The following ATRX variants were observed in gnomAD, a reference collection of about 807,000 sequenced individuals.
ATRX encodes ATRX chromatin remodeler, also known as chromatin remodeler ATRX.
In ATRX, 12 loss-of-function variants were observed where a neutral mutation model predicts 172.6. The observed-to-expected ratio is 0.07, with a 90% CI of 0.04 to 0.11. The LOEUF is 0.11. Ranked by LOEUF, ATRX falls within the 10% of genes least tolerant of loss-of-function variation. ATRX has a pLI of 1.00. For missense variants in ATRX, 1,368 were observed against 1,767.4 expected, an observed-to-expected ratio of 0.77 and a Z score of 4.05; for synonymous variants, 674 against 594.7, an observed-to-expected ratio of 1.13 and a Z score of -1.94.
chrX:77,781,239 G>A (rs1410219746), intron 1 of ATRX, among the ~76,000 whole-genome samples: 2 of 110,199 alleles, frequency 1.8e-5, no homozygotes, highest in Admixed American at 9.8e-5. Flanking sequence ...TCAGGAGATC[G>A]AGACCATCCT....
At chrX:77,693,705 T>C (rs1403960881) in intron 6 of ATRX, 119 bp downstream of exon 6, 5 of 545,178 alleles carry the variant, frequency 9.2e-6, no homozygotes, top group Non-Finnish European at 1.6e-5. Context: ...TATATTTAAG[T>C]AGTGCTTTTA....
At position 77,773,092 on chromosome X, in the gene ATRX, T is replaced by TAA. The variant is rs782649057; in HGVS notation, c.20+12888_20+12889dup. ...ATATTTCCCTGTGGCAAATTTCAGC[T>TAA]AAAAAAAAAAAAAAAAAAAAAAAAG... On this transcript the variant is annotated intron_variant, in intron 1 of 34. Transcript: ENST00000373344. Among the ~76,000 whole-genome samples, 287 of 37,337 alleles carry TAA rather than the reference T, an allele frequency of 7.7e-3. 19 individuals are homozygous for TAA. The highest frequency in any genetic ancestry group is 0.017 in the African/African-American group (135 of 8,107). 32.4% of individuals were successfully genotyped at this position (37,337 alleles called of 115,157 possible). A position where few individuals can be genotyped will look rare whatever the true frequency, so the allele number is the denominator to read the frequency against.
rs782369282 is a variant in ATRX at position 77,766,618 on chromosome X, C to T, written c.20+19364G>A. Among the ~76,000 whole-genome samples the T allele has an allele frequency of 1.0e-4, 10 of 98,693 alleles. No individual in the cohort carries two copies. The South Asian group carries it at 2.0e-3, about 20-fold the overall frequency. 85.7% of individuals were successfully genotyped at this position (98,693 alleles called of 115,157 possible). On this transcript the variant is annotated intron_variant, in intron 1 of 34. Transcript: ENST00000373344. ...GCAGAGGCGCTCCCCACATCTCAGA[C>T]GATGAGCGGCCGGGCAGAGACGCTC...
chrX:77,569,356 C>T (rs1399747875), intron 28 of ATRX, among the ~76,000 whole-genome samples: 2 of 111,025 alleles, frequency 1.8e-5, no homozygotes, highest in African/African-American at 6.5e-5. Context: ...CAAAACCTGA[C>T]ATAACTTAAA....
chrX:77,622,716 G>A (rs1368855527), intron 19 of ATRX, among the ~76,000 whole-genome samples: 1 of 111,318 alleles, frequency 9.0e-6, no homozygotes, highest in Non-Finnish European at 1.9e-5. Flanking sequence ...GCTTGGAGGT[G>A]GAAAGCCGGG....
chrX:77,734,890 C>T (rs1461857069), intron 1 of ATRX, among the ~76,000 whole-genome samples: 1 of 109,942 alleles, frequency 9.1e-6, no homozygotes, highest in African/African-American at 3.3e-5. Flanking sequence ...GCAGGTGGAT[C>T]ATTTGAGGTC....
intron 22 of ATRX, among the ~76,000 whole-genome samples, chrX:77,612,211 G>C (rs1444051186): frequency 9.0e-6 from 1 of 111,238 alleles, no homozygotes; most frequent in Non-Finnish European, 1.9e-5. Flanking sequence ...TAAAACTGTA[G>C]ATGCATCGGC....
intron 1 of ATRX, among the ~76,000 whole-genome samples, chrX:77,772,641 T>A (rs910580367): frequency 9.4e-6 from 1 of 106,703 alleles, no homozygotes; most frequent in South Asian, 4.2e-4. Context: ...CATGCCCAGC[T>A]AGTTTTTTTT....
chrX:77,761,674 T>C (rs1557192841), intron 1 of ATRX, among the ~76,000 whole-genome samples: 1 of 111,543 alleles, frequency 9.0e-6, no homozygotes, highest in Non-Finnish European at 1.9e-5. Context: ...ACACCTGAAA[T>C]CTACTCTTTT....
chrX:77,727,065 A>G (rs2074077886), intron 1 of ATRX, among the ~76,000 whole-genome samples: 1 of 111,997 alleles, frequency 8.9e-6, no homozygotes, highest in African/African-American at 3.2e-5. Flanking sequence ...TACATGGCCA[A>G]CAAACATGAA....
intron 1 of ATRX, among the ~76,000 whole-genome samples, chrX:77,766,982 C>A (rs1415017660): frequency 8.9e-6 from 1 of 112,492 alleles, no homozygotes; most frequent in Non-Finnish European, 1.9e-5. Flanking sequence ...CCTCGGGAGG[C>A]CGAGGCTGGC....
intron 10 of ATRX, among the ~76,000 whole-genome samples, chrX:77,671,750 A>G (rs906771026): frequency 3.6e-5 from 4 of 111,576 alleles, no homozygotes; most frequent in Non-Finnish European, 7.5e-5. Context: ...TAGAAATCCA[A>G]ACTCTTCCTT....
At chrX:77,732,213 T>C (rs782331529) in intron 1 of ATRX, among the ~76,000 whole-genome samples, 41 of 111,579 alleles carry the variant, frequency 3.7e-4, no homozygotes, top group African/African-American at 1.3e-3. Flanking sequence ...CCGTGGTCCC[T>C]GCACAGGGCT....
intron 12 of ATRX, among the ~76,000 whole-genome samples, chrX:77,659,840 T>C (rs1201768475): frequency 7.2e-5 from 8 of 111,775 alleles, no homozygotes; most frequent in Non-Finnish European, 1.3e-4. Flanking sequence ...TTCCCATCTC[T>C]CAATTCAAAT....
chrX:77,607,744 T>A (rs2066979578), intron 22 of ATRX, among the ~76,000 whole-genome samples: 1 of 98,739 alleles, frequency 1.0e-5, no homozygotes, highest in East Asian at 3.3e-4. Flanking sequence ...GTAAAAGAAC[T>A]CTACAATGAA....
intron 1 of ATRX, among the ~76,000 whole-genome samples, chrX:77,764,268 T>C (rs1201413439): frequency 8.9e-6 from 1 of 112,201 alleles, no homozygotes; most frequent in African/African-American, 3.2e-5. Context: ...AACATACTGA[T>C]CCTTGTTTTT....
chrX:77,599,450 T>C lies in ATRX; in HGVS notation c.5917A>G (p.Thr1973Ala). ...RGGGEGNVDE[T>A]GNNPSVSLKL... The stretch of plus-strand genomic sequence containing the variant: ...AAAGAAACAGAAGGATTGTTTCCTG[T>C]TTCATCCACATTTCCTTCACCACCT... The change falls in exon 25 of 35, where the codon ACA (threonine) becomes GCA (alanine). Residue 1973 changes from threonine (T) to alanine (A), a missense_variant. Thr to Ala is a moderately conservative substitution (Grantham distance 58). Coordinates refer to ENST00000373344, the MANE Select transcript of ATRX (RefSeq NM_000489.6). 8.3e-7 allele frequency: 1 copy of C among 1,210,990 alleles called. No individual in the cohort carries two copies. The highest frequency in any genetic ancestry group is 1.1e-6 in the Non-Finnish European group (1 of 895,145).
rs977361561 is a variant in ATRX, at chrX:77,684,940, T to G, written c.661A>C (p.Arg221=). ...TGTTAGCTCATCTATATTACCTACCTACATTGTTCATCCATTCCATCTGAG... is the reference window on the plus strand; with the variant it reads ...TGTTAGCTCATCTATATTACCTACCGACATTGTTCATCCATTCCATCTGAG... ...RDSDGMDEQC[R]WCAEGGNLIC... is the part of the protein sequence containing the mutation. Residue 221 remains arginine (R), a splice_region_variant and synonymous_variant, in exon 8 of 35, where the codon AGG becomes CGG. Coordinates refer to ENST00000373344, the MANE Select transcript of ATRX (RefSeq NM_000489.6). 6 of 1,195,764 alleles carry G rather than the reference T, an allele frequency of 5.0e-6. No individual in the cohort carries two copies. Among genetic ancestry groups the G allele is most frequent in the Non-Finnish European group, 6.8e-6 (6 of 882,075 alleles).
chrX:77,589,524 G>C (rs1161777464), intron 27 of ATRX, among the ~76,000 whole-genome samples: 1 of 111,578 alleles, frequency 9.0e-6, no homozygotes, highest in Non-Finnish European at 1.9e-5. Context: ...GTTGATATTA[G>C]CTGCTCTTGT....
Sources: allele counts gnomAD v4.1 joint callset (sites outside exome capture counted in the v4.1 genomes callset), GRCh38; gene constraint gnomAD v4.1.1; transcripts MANE v1.5; gene names NCBI Gene and HGNC (gene_info 2026-07-23, HGNC 2026-07-21).